KIF15: variants seen among roughly 807,000 people sequenced by gnomAD.
KIF15 encodes kinesin-like protein KIF15.
Under a neutral mutation model 190.6 loss-of-function variants are expected in KIF15, and 140 were observed. The observed-to-expected ratio is 0.73, with a 90% CI of 0.64 to 0.84. The LOEUF is 0.84. Among genes scored for constraint, KIF15 ranks in the 40% least tolerant of loss-of-function variants. KIF15 has a pLI of 0.00. For synonymous variants in KIF15, 528 were observed against 551.3 expected (o/e 0.96, Z 0.59); for missense variants, 1,372 against 1,584.4 (o/e 0.87, Z 2.28).
intron 20 of KIF15, among the ~76,000 whole-genome samples, chr3:44,823,023 T>C (rs1234951351): frequency 6.6e-6 from 1 of 152,226 alleles, no homozygotes; most frequent in Non-Finnish European, 1.5e-5. Flanking sequence ...TCGTCAAAGT[T>C]ATTCTCGTCC....
At chr3:44,778,989 A>AAT (rs1435775308) in intron 4 of KIF15, among the ~76,000 whole-genome samples, 1 of 151,484 alleles carries the variant, frequency 6.6e-6, no homozygotes, top group African/African-American at 2.4e-5. Flanking sequence ...CAAAAAAAAA[A>AAT]AAAAAAAAAA....
downstream of KIF15, among the ~76,000 whole-genome samples, chr3:44,856,562 G>A (rs1699191201): frequency 6.6e-6 from 1 of 152,182 alleles, no homozygotes. Context: ...CTGACAGGTG[G>A]AAGTTTCAGT....
chr3:44,788,433 C>G (rs1346673361), intron 7 of KIF15, among the ~76,000 whole-genome samples: 1 of 151,690 alleles, frequency 6.6e-6, no homozygotes, highest in African/African-American at 2.4e-5. Context: ...TTTCCTTTGT[C>G]CTATTCCTTT....
At chr3:44,862,129 G>A (rs2125738583) in intron 6 of KIF15, 1 of 1,232,272 alleles carries the variant, frequency 8.1e-7, no homozygotes, top group African/African-American at 1.6e-5. Flanking sequence ...CGAGCCCGGG[G>A]CGCTGTTGGT....
chr3:44,816,686 G>A (rs1708046067), intron 20 of KIF15, among the ~76,000 whole-genome samples: 1 of 152,158 alleles, frequency 6.6e-6, no homozygotes, highest in Admixed American at 6.5e-5. Context: ...TGTGAATAGT[G>A]CCACAATAAA....
intron 24 of KIF15, among the ~76,000 whole-genome samples, chr3:44,829,572 TTATATATG>T (rs1159765644): frequency 2.7e-5 from 3 of 112,070 alleles, no homozygotes; most frequent in South Asian, 2.2e-4. Context: ...TATGTATATA[TTATATATG>T]TATATATTAT....
Position 44,841,950 on chromosome 3 carries a change from C to T in KIF15, c.3585+712C>T, listed in dbSNP as rs138976352. 3.2e-3 allele frequency among the ~76,000 whole-genome samples: 480 copies of T among 152,314 alleles called. 9 individuals are homozygous for T. The highest frequency in any genetic ancestry group is 0.027 in the Admixed American group (411 of 15,304). On this transcript the variant is annotated intron_variant, in intron 29 of 34. Coordinates refer to ENST00000326047, the MANE Select transcript of KIF15 (RefSeq NM_020242.3). ...ACACAATGGTGTCATATACAGGTTG[C>T]GCCAGCTATGCTCTCATCAGGAATG...
At chr3:44,768,103 G>A (rs191552110) in intron 1 of KIF15, among the ~76,000 whole-genome samples, 6 of 151,436 alleles carry the variant, frequency 4.0e-5, no homozygotes, top group South Asian at 2.1e-4. Context: ...GTGAAACACC[G>A]TCTCTACTAA....
intron 3 of KIF15, among the ~76,000 whole-genome samples, chr3:44,776,258 C>CA (rs1705887915): frequency 2.0e-5 from 3 of 148,968 alleles, no homozygotes; most frequent in African/African-American, 7.4e-5. Flanking sequence ...TTTTTCCCCC[C>CA]ACTAAGTGAT....
intron 7 of KIF15, among the ~76,000 whole-genome samples, chr3:44,793,328 T>G (rs1706810445): frequency 6.6e-6 from 1 of 152,178 alleles, no homozygotes. Context: ...GAAAAAATAC[T>G]TTGTAGACCA....
chr3:44,850,606 A>AT (rs955568132), intron 32 of KIF15, among the ~76,000 whole-genome samples: 2 of 152,184 alleles, frequency 1.3e-5, no homozygotes, highest in African/African-American at 4.8e-5. Flanking sequence ...TACAACAGCA[A>AT]TTTTAAACGT....
intron 27 of KIF15, among the ~76,000 whole-genome samples, chr3:44,839,805 T>A (rs1268051996): frequency 6.6e-6 from 1 of 152,214 alleles, no homozygotes; most frequent in Non-Finnish European, 1.5e-5. Flanking sequence ...CTTATTTTAC[T>A]TGGAACAGTG....
chr3:44,849,841 G>A (rs1372542211), intron 32 of KIF15, among the ~76,000 whole-genome samples: 1 of 151,984 alleles, frequency 6.6e-6, no homozygotes, highest in African/African-American at 2.4e-5. Context: ...TTATTAATCA[G>A]TGTGCCTTAA....
intron 7 of KIF15, among the ~76,000 whole-genome samples, chr3:44,789,025 C>T (rs1706542213): frequency 6.6e-6 from 1 of 152,092 alleles, no homozygotes; most frequent in Non-Finnish European, 1.5e-5. Context: ...CACATTTTTA[C>T]AATCTTTGCC....
At chr3:44,763,262 G>T (rs1705225821) in intron 1 of KIF15, among the ~76,000 whole-genome samples, 1 of 152,172 alleles carries the variant, frequency 6.6e-6, no homozygotes, top group Non-Finnish European at 1.5e-5. Context: ...CCGTGCAGTG[G>T]TCTTTGCAAC....
At chr3:44,797,200 G>A (rs1445940314) in intron 8 of KIF15, among the ~76,000 whole-genome samples, 3 of 151,888 alleles carry the variant, frequency 2.0e-5, no homozygotes, top group Non-Finnish European at 4.4e-5. Flanking sequence ...GCAGTTTTTT[G>A]TATTTCTTTG....
At chr3:44,815,108 C>T in intron 20 of KIF15, 32 bp downstream of exon 20, 1 of 1,511,802 alleles carries the variant, frequency 6.6e-7, no homozygotes, top group Non-Finnish European at 8.9e-7. Flanking sequence ...TTCAAGTTGC[C>T]TGATTGGCTG....
chr3:44,821,556 T>G (rs1257780133), intron 20 of KIF15, among the ~76,000 whole-genome samples: 1 of 150,508 alleles, frequency 6.6e-6, no homozygotes, highest in East Asian at 2.0e-4. Context: ...CCTCACTTCC[T>G]AGATGGGATG....
At chr3:44,837,819 A>G (rs1698401290) in intron 26 of KIF15, among the ~76,000 whole-genome samples, 2 of 152,200 alleles carry the variant, frequency 1.3e-5, no homozygotes, top group South Asian at 4.1e-4. Context: ...GGTCTATGAC[A>G]ATGAATCACA....
Sources: gnomAD v4.1 joint callset for allele counts (sites outside exome capture counted in the v4.1 genomes callset) on GRCh38, gnomAD v4.1.1 for gene constraint, MANE v1.5 for transcripts, NCBI Gene and HGNC (gene_info 2026-07-23, HGNC 2026-07-21) for gene names.